The following DIPK2B variants were observed in gnomAD, a reference collection of about 807,000 sequenced individuals.
DIPK2B encodes the protein divergent protein kinase domain 2B.
DIPK2B carries 15 observed loss-of-function variants against 22.2 expected under a neutral mutation model. The ratio of observed to expected loss-of-function variants is 0.68; its 90% CI spans 0.45 to 1.04. DIPK2B has a LOEUF of 1.04. DIPK2B is among the 50% of genes least tolerant of loss of function. DIPK2B has a pLI of 0.00. For missense variants in DIPK2B, 345 were observed against 348.3 expected, an observed-to-expected ratio of 0.99 and a Z score of 0.08; for synonymous variants, 163 against 153.2, an observed-to-expected ratio of 1.06 and a Z score of -0.47.
At chrX:45,154,278 C>CCTATCTATCTATCTATCTATCTAT (rs57660875) in intron 3 of DIPK2B, 80 bp from the exon 4 acceptor site, 4 of 598,678 alleles carry the variant, frequency 6.7e-6, no homozygotes, top group Non-Finnish European at 7.4e-6. Flanking sequence ...TATCTATCTC[C>CCTATCTATCTATCTATCTATCTAT]CTATCTATCT....
chrX:45,173,571 T>A (rs1159560847), intron 2 of DIPK2B, among the ~76,000 whole-genome samples: 25 of 107,130 alleles, frequency 2.3e-4, no homozygotes, highest in Non-Finnish European at 7.6e-5. Flanking sequence ...TCTTTCATTC[T>A]TTCTTTCTTT....
intron 2 of DIPK2B, among the ~76,000 whole-genome samples, chrX:45,176,442 C>T (rs1455822617): frequency 8.9e-6 from 1 of 112,017 alleles, no homozygotes; most frequent in East Asian, 2.8e-4. Context: ...ACAGTCCCTT[C>T]CCCAACCCTG....
intron 2 of DIPK2B, among the ~76,000 whole-genome samples, chrX:45,182,404 T>C (rs767854690): frequency 1.8e-5 from 2 of 112,279 alleles, no homozygotes; most frequent in South Asian, 7.3e-4. Flanking sequence ...ATAGTAAGTG[T>C]TGATGAAGAT....
Position 45,194,079 on chromosome X carries a change from A to G in DIPK2B, c.234-2064T>C, listed in dbSNP as rs185180965. On this transcript the variant is annotated intron_variant, in intron 1 of 4. Transcript: ENST00000398000. ...ACAGATTCATTTAATTGTTTCAATA[A>G]ACCTATGAGGCTGATACTATTGTTA... Among the ~76,000 whole-genome samples the G allele has an allele frequency of 5.4e-4, 60 of 111,939 alleles. No individual in the cohort carries two copies. The East Asian group carries it at 0.016, about 31-fold the overall frequency.
In DIPK2B at chrX:45,200,841, T is replaced by C; in HGVS notation, c.-15A>G. On this transcript the variant is annotated 5_prime_UTR_variant, in exon 1 of 5. Coordinates refer to ENST00000398000, the MANE Select transcript of DIPK2B (RefSeq NM_176819.4). ...TGGGGCTCCATCTTGGGCTCTGGGCTCCAGCTGCAGCCTCTGGCTGTCCAC... is the reference window on the plus strand; with the variant it reads ...TGGGGCTCCATCTTGGGCTCTGGGCCCCAGCTGCAGCCTCTGGCTGTCCAC... The C allele has an allele frequency of 8.7e-7, 1 of 1,147,852 alleles. No individual in the cohort carries two copies. The highest frequency in any genetic ancestry group is 1.8e-5 in the African/African-American group (1 of 56,081). 94.6% of individuals were successfully genotyped at this position (1,147,852 alleles called of 1,213,427 possible).
chrX:45,158,949 T>A, intron 2 of DIPK2B, among the ~76,000 whole-genome samples: 1 of 111,627 alleles, frequency 9.0e-6, no homozygotes. Context: ...GGATTCAGGA[T>A]TTGAACCCAA....
intron 2 of DIPK2B, among the ~76,000 whole-genome samples, chrX:45,180,571 A>T (rs1297888865): frequency 8.9e-6 from 1 of 112,300 alleles, no homozygotes; most frequent in African/African-American, 3.2e-5. Flanking sequence ...AGATGGAATG[A>T]TATAATGGTA....
At chrX:45,173,404 G>A (rs929652454) in intron 2 of DIPK2B, among the ~76,000 whole-genome samples, 1 of 110,724 alleles carries the variant, frequency 9.0e-6, no homozygotes, top group South Asian at 3.9e-4. Context: ...GATGGACATA[G>A]TGCAGACAGA....
At chrX:45,157,960 A>G (rs886224169) in intron 2 of DIPK2B, 72 bp from the exon 3 acceptor site, 3 of 241,834 alleles carry the variant, frequency 1.2e-5, no homozygotes, top group South Asian at 1.5e-4. Flanking sequence ...GGTTAGCAGG[A>G]GGGGGAATGG....
intron 1 of DIPK2B, among the ~76,000 whole-genome samples, chrX:45,193,013 A>G (rs2148350851): frequency 8.9e-6 from 1 of 112,209 alleles, no homozygotes; most frequent in Admixed American, 9.4e-5. Context: ...TGCTGGCCTC[A>G]GGTGATCCGC....
chrX:45,158,665 G>T (rs2047008292), intron 2 of DIPK2B, among the ~76,000 whole-genome samples: 3 of 110,903 alleles, frequency 2.7e-5, no homozygotes, highest in African/African-American at 9.8e-5. Flanking sequence ...TAAGAACAAG[G>T]CCCTGAGGCC....
chrX:45,183,090 A>G lies in DIPK2B; in HGVS notation c.498+8661T>C, dbSNP rs150595405. On this transcript the variant is annotated intron_variant, in intron 2 of 4. Transcript: ENST00000398000. ...CTATGCACTTAAGATATATGTGTTT[A>G]TGTATGCAGTTTATACTTTAATTGA... Among the ~76,000 whole-genome samples, 586 of 112,440 alleles carry G rather than the reference A, an allele frequency of 5.2e-3. 1 individual carries two copies. Among genetic ancestry groups the G allele is most frequent in the African/African-American group, 0.018 (553 of 30,974 alleles).
chrX:45,199,909 G>A (rs1193430469), intron 1 of DIPK2B, among the ~76,000 whole-genome samples: 1 of 111,390 alleles, frequency 9.0e-6, no homozygotes, highest in Non-Finnish European at 1.9e-5. Context: ...CATGTGCATT[G>A]CAATTTACTA....
intron 2 of DIPK2B, among the ~76,000 whole-genome samples, chrX:45,189,250 G>A (rs891907752): frequency 1.7e-4 from 19 of 111,688 alleles, no homozygotes; most frequent in African/African-American, 5.5e-4. Context: ...AATAGGCGAG[G>A]GTATTTTTTG....
At chrX:45,170,220 G>A (rs2047072711) in intron 2 of DIPK2B, among the ~76,000 whole-genome samples, 1 of 101,731 alleles carries the variant, frequency 9.8e-6, no homozygotes, top group Admixed American at 1.1e-4. Flanking sequence ...CTCCAGCCTG[G>A]GCAACAGAGC....
In DIPK2B at chrX:45,153,761, A is replaced by C. The variant is rs780458791; in HGVS notation, c.961+149T>G. ...TAGGAGTGAGGGACATTTTACATGA[A>C]ATCTAATATTCTCCGAACTTGAGTG... On this transcript the variant is annotated intron_variant, in intron 4 of 4. Coordinates refer to ENST00000398000, the MANE Select transcript of DIPK2B (RefSeq NM_176819.4). 2.3e-4 allele frequency: 107 copies of C among 463,464 alleles called. No homozygotes were observed. The Middle Eastern group carries it at 2.4e-3, about 11-fold the overall frequency. The allele number at this position is 463,464 out of a possible 1,213,427, so 38.2% of individuals were successfully genotyped here. A position where few individuals can be genotyped will look rare whatever the true frequency, so the allele number is the denominator to read the frequency against.
intron 2 of DIPK2B, among the ~76,000 whole-genome samples, chrX:45,177,133 A>T (rs1441697971): frequency 9.2e-6 from 1 of 109,116 alleles, no homozygotes; most frequent in Non-Finnish European, 1.9e-5. Flanking sequence ...CCCTGTCTCT[A>T]CAAAAAAGTA....
chrX:45,184,570 A>C (rs2047171301), intron 2 of DIPK2B, among the ~76,000 whole-genome samples: 2 of 112,085 alleles, frequency 1.8e-5, no homozygotes, highest in Non-Finnish European at 3.8e-5. Flanking sequence ...CTTAACCCAC[A>C]CAAAAGGTTT....
At chrX:45,165,992 C>T (rs1170554010) in intron 2 of DIPK2B, among the ~76,000 whole-genome samples, 1 of 111,999 alleles carries the variant, frequency 8.9e-6, no homozygotes, top group East Asian at 2.8e-4. Context: ...CTTCCATGGC[C>T]ACTTGCTTAG....
Sources: gnomAD v4.1 joint callset for allele counts (sites outside exome capture counted in the v4.1 genomes callset) on GRCh38, gnomAD v4.1.1 for gene constraint, MANE v1.5 for transcripts, NCBI Gene and HGNC (gene_info 2026-07-23, HGNC 2026-07-21) for gene names.